Variants in GEN1 observed in about 807,000 individuals in gnomAD.
GEN1 encodes the protein GEN1 structure-specific endonuclease.
Under a neutral mutation model 67.6 loss-of-function variants are expected in GEN1, and 64 were observed. That is an observed-to-expected ratio of 0.95 (90% CI 0.77 to 1.17). GEN1 has a LOEUF of 1.17. GEN1 is among the 50% of genes most tolerant of loss of function. The pLI, the probability that GEN1 is intolerant of heterozygous loss-of-function variation, is 0.00. For missense variants in GEN1, 1,058 were observed against 1,048.3 expected (o/e 1.01, Z -0.13); for synonymous variants, 371 against 359.4 (o/e 1.03, Z -0.37).
At position 17,781,114 on chromosome 2, in the gene GEN1, T is replaced by C. The variant is rs1672808138; in HGVS notation, c.1902T>C (p.Cys634=). ...GFENIPEQLS[C]ESERYTANIK... is the part of the protein sequence containing the mutation. The stretch of plus-strand genomic sequence containing the variant: ...AAAATATCCCAGAACAACTGTCCTG[T>C]GAATCAGAAAGGTACACTGCAAACA... Residue 634 remains cysteine (C), a synonymous_variant, in exon 14 of 14, where the codon TGT becomes TGC. Transcript: ENST00000381254. 6.2e-7 allele frequency: 1 copy of C among 1,613,748 alleles called. No individual in the cohort carries two copies. Among genetic ancestry groups the C allele is most frequent in the Non-Finnish European group, 8.5e-7 (1 of 1,179,696 alleles).
At chr2:17,765,933 A>C (rs1671908179) in intron 4 of GEN1, among the ~76,000 whole-genome samples, 1 of 141,696 alleles carries the variant, frequency 7.1e-6, no homozygotes, top group African/African-American at 2.6e-5. Context: ...GTTACGGGGA[A>C]TGTTTACTTT....
At chr2:17,760,146 A>T in intron 2 of GEN1, 42 bp downstream of exon 2, 1 of 1,554,190 alleles carries the variant, frequency 6.4e-7, no homozygotes, top group Non-Finnish European at 8.8e-7. Context: ...TGATGTATAA[A>T]CAGTCTTGGT....
At chr2:17,762,203 GTT>G (rs528367680) in intron 3 of GEN1, among the ~76,000 whole-genome samples, 4 of 125,654 alleles carry the variant, frequency 3.2e-5, no homozygotes, top group Admixed American at 7.9e-5. Flanking sequence ...TTTTTTGGTT[GTT>G]TTTTTTTTTT....
Position 17,781,043 on chromosome 2 carries a change from A to T in GEN1, c.1831A>T (p.Lys611Ter). Residue 611 changes from lysine to a stop codon, truncating the protein, a stop_gained, in exon 14 of 14, where the codon AAA becomes TAA. Coordinates refer to ENST00000381254, the MANE Select transcript of GEN1 (RefSeq NM_001130009.3). LOFTEE classifies it low-confidence loss of function (END_TRUNC). Reference sequence around the variant, plus strand: ...AAGGAATACTTTTTCTCATGATTTAAAATCAGAAGTTGAATCAGAGCTATC... The same window carrying T: ...AAGGAATACTTTTTCTCATGATTTATAATCAGAAGTTGAATCAGAGCTATC... Reference protein sequence around the residue: ...IQRNTFSHDLKSEVESELSAI... With the variant: ...IQRNTFSHDL 1 of 1,613,914 alleles carries T rather than the reference A, an allele frequency of 6.2e-7. No individual in the cohort carries two copies.
chr2:17,777,020 G>A (rs1672463876), intron 11 of GEN1, among the ~76,000 whole-genome samples: 1 of 152,124 alleles, frequency 6.6e-6, no homozygotes, highest in Non-Finnish European at 1.5e-5. Context: ...CATTTACTTG[G>A]GATGCTGAGG....
chr2:17,759,714 T>C (rs1325705344), intron 1 of GEN1, among the ~76,000 whole-genome samples: 1 of 152,216 alleles, frequency 6.6e-6, no homozygotes. Flanking sequence ...CGATCTCTGC[T>C]TTTGTTAGCT....
At chr2:17,760,672 A>C (rs1401479196) in intron 2 of GEN1, among the ~76,000 whole-genome samples, 1 of 152,190 alleles carries the variant, frequency 6.6e-6, no homozygotes. Context: ...CTGTAATCCC[A>C]GCACTTTGGG....
chr2:17,786,978 G>C lies in GEN1; in HGVS notation c.*5039G>C, dbSNP rs1673079884. 1.3e-5 allele frequency: 2 copies of C among 152,144 alleles called. No individual in the cohort carries two copies. The highest frequency in any genetic ancestry group is 2.9e-5 in the Non-Finnish European group (2 of 68,056). The allele number at this position is 152,144 out of a possible 1,614,324, so 9.4% of individuals were successfully genotyped here. On this transcript the variant is annotated 3_prime_UTR_variant, in exon 14 of 14. Transcript: ENST00000381254. The stretch of plus-strand genomic sequence containing the variant: ...TGGCTCACAAGGCTGAGGCAGCCTG[G>C]CCCCAACTTGTCTCTTCAGCTTCAT...
At chr2:17,763,419 T>C (rs1277686478) in intron 3 of GEN1, among the ~76,000 whole-genome samples, 1 of 152,232 alleles carries the variant, frequency 6.6e-6, no homozygotes, top group African/African-American at 2.4e-5. Flanking sequence ...CATTCCTGTT[T>C]CTTTATTGCT....
rs1183343407 is a variant in GEN1 at position 17,772,687 on chromosome 2, T to C, written c.856T>C (p.Tyr286His). ...ATGCAGATTATGTAAAAGTGATAAA[T>C]ATTGTGAGCCACATGACTATGAATA... ...NGCRLCKSDK[Y>H]CEPHDYEYCC... Residue 286 changes from tyrosine (Y) to histidine (H), a missense_variant, in exon 8 of 14, where the codon TAT becomes CAT. Transcript: ENST00000381254. The C allele has an allele frequency of 6.2e-7, 1 of 1,612,544 alleles. No individual in the cohort carries two copies. The highest frequency in any genetic ancestry group is 2.2e-5 in the East Asian group (1 of 44,804).
chr2:17,779,037 C>T (rs1332012179), intron 12 of GEN1, among the ~76,000 whole-genome samples: 1 of 152,202 alleles, frequency 6.6e-6, no homozygotes, highest in Non-Finnish European at 1.5e-5. Flanking sequence ...ATTCTCCTGC[C>T]TCAGCCTCCC....
At position 17,788,675 on chromosome 2, in the gene GEN1, T is replaced by A. The variant is rs1673130482; in HGVS notation, c.*6736T>A. ...CTGATCAAAGACCTAATGAAAAGAT[T>A]CTATAGTGTTTGCGTCATCATAAGT... On this transcript the variant is annotated 3_prime_UTR_variant, in exon 14 of 14. Transcript: ENST00000381254. 6.6e-6 allele frequency: 1 copy of A among 152,296 alleles called. No homozygotes were observed. Among genetic ancestry groups the A allele is most frequent in the African/African-American group, 2.4e-5 (1 of 41,564 alleles). 9.4% of individuals were successfully genotyped at this position (152,296 alleles called of 1,614,324 possible).
chr2:17,770,930 T>C, intron 6 of GEN1: 1 of 349,752 alleles, frequency 2.9e-6, no homozygotes, highest in Non-Finnish European at 5.5e-6. Flanking sequence ...ATATATACAA[T>C]TTTTTTTAAT....
chr2:17,767,514 CT>C (rs35125733), intron 5 of GEN1, among the ~76,000 whole-genome samples: 1 of 152,046 alleles, frequency 6.6e-6, no homozygotes, highest in African/African-American at 2.4e-5. Context: ...CATCAAAGAA[CT>C]TTTTTTAAAC....
intron 1 of GEN1, chr2:17,755,740 AGTGT>A (rs1671404136): frequency 6.6e-6 from 1 of 152,196 alleles, no homozygotes; most frequent in African/African-American, 2.4e-5. Flanking sequence ...GCTTTAATAA[AGTGT>A]GTATTTTTGC....
chr2:17,770,711 T>C (rs1006745257), intron 6 of GEN1, among the ~76,000 whole-genome samples: 2 of 152,064 alleles, frequency 1.3e-5, no homozygotes, highest in Admixed American at 1.3e-4. Context: ...TTTTACATGA[T>C]TTAGCTTTTT....
At chr2:17,758,836 A>C (rs1291113772) in intron 1 of GEN1, among the ~76,000 whole-genome samples, 1 of 151,720 alleles carries the variant, frequency 6.6e-6, no homozygotes, top group East Asian at 1.9e-4. Context: ...CCAGCGTGAC[A>C]GAGCGAGACC....
chr2:17,782,838 T>G lies in GEN1; in HGVS notation c.*899T>G, dbSNP rs893639830. The G allele has an allele frequency of 2.0e-5, 3 of 152,180 alleles. No individual in the cohort carries two copies. The highest frequency in any genetic ancestry group is 4.8e-5 in the African/African-American group (2 of 41,448). The allele number at this position is 152,180 out of a possible 1,614,324, so 9.4% of individuals were successfully genotyped here. A position where few individuals can be genotyped will look rare whatever the true frequency, so the allele number is the denominator to read the frequency against. ...TGTTTTGAATCTATGCAATATTGACTTTAATACCACCAAATATTAAGTCAT... is the reference window on the plus strand; with the variant it reads ...TGTTTTGAATCTATGCAATATTGACGTTAATACCACCAAATATTAAGTCAT... On this transcript the variant is annotated 3_prime_UTR_variant, in exon 14 of 14. Transcript: ENST00000381254.
intron 1 of GEN1, among the ~76,000 whole-genome samples, chr2:17,758,081 G>C (rs1202619553): frequency 6.6e-6 from 1 of 152,058 alleles, no homozygotes; most frequent in African/African-American, 2.4e-5. Flanking sequence ...AATTTAGTTT[G>C]AATATTCCAT....
Sources: gnomAD v4.1 joint callset for allele counts (sites outside exome capture counted in the v4.1 genomes callset) on GRCh38, gnomAD v4.1.1 for gene constraint, MANE v1.5 for transcripts, NCBI Gene and HGNC (gene_info 2026-07-23, HGNC 2026-07-21) for gene names.